RTN4RL1: variants seen among roughly 807,000 people sequenced by gnomAD.
RTN4RL1 encodes the protein reticulon 4 receptor like 1.
A neutral mutation model predicts 25.6 loss-of-function variants in RTN4RL1; 7 were observed. The observed-to-expected ratio is 0.27, with a 90% CI of 0.16 to 0.51. The LOEUF (loss-of-function observed/expected upper bound fraction) is 0.51, where lower values mean the gene tolerates loss of function less well. RTN4RL1 is among the 20% of genes least tolerant of loss of function. The probability of loss-of-function intolerance (pLI) is 0.97; values close to 1 mark genes in which losing one functional copy is unlikely to be tolerated. For synonymous variants in RTN4RL1, 297 were observed against 288.2 expected (o/e 1.03, Z -0.31); for missense variants, 500 against 615.6 (o/e 0.81, Z 1.99).
chr17:1,945,848 G>C (rs1915527524), intron 1 of RTN4RL1, among the ~76,000 whole-genome samples: 1 of 152,262 alleles, frequency 6.6e-6, no homozygotes, highest in Non-Finnish European at 1.5e-5. Flanking sequence ...TGTCACAATG[G>C]CTGGATGAAG....
intron 1 of RTN4RL1, among the ~76,000 whole-genome samples, chr17:1,947,650 C>T (rs1184904037): frequency 6.6e-6 from 1 of 152,202 alleles, no homozygotes; most frequent in African/African-American, 2.4e-5. Flanking sequence ...GCTGGGAATG[C>T]CGTGCTAATT....
At chr17:1,939,852 G>C (rs1020450556) in intron 1 of RTN4RL1, among the ~76,000 whole-genome samples, 31 of 152,170 alleles carry the variant, frequency 2.0e-4, no homozygotes, top group African/African-American at 7.5e-4. Context: ...TGGAGGGCCA[G>C]GCAGCCATCT....
chr17:2,012,559 T>C (rs564397127), intron 1 of RTN4RL1, among the ~76,000 whole-genome samples: 10 of 152,174 alleles, frequency 6.6e-5, no homozygotes, highest in South Asian at 2.1e-4. Flanking sequence ...TGGTACTGTT[T>C]CTATTTTTTT....
intron 1 of RTN4RL1, among the ~76,000 whole-genome samples, chr17:1,999,094 T>TCA (rs59609042): frequency 0.18 from 26,684 of 146,688 alleles, 2,871 homozygotes; most frequent in East Asian, 0.38. Context: ...ACATGCGCGA[T>TCA]CACACACACA....
intron 1 of RTN4RL1, among the ~76,000 whole-genome samples, chr17:1,949,931 G>A (rs547372025): frequency 4.2e-4 from 64 of 152,356 alleles, no homozygotes; most frequent in African/African-American, 1.5e-3. Flanking sequence ...CCAGGCAGAG[G>A]GCACAGCAGG....
intron 1 of RTN4RL1, among the ~76,000 whole-genome samples, chr17:2,009,310 AT>A (rs2067026028): frequency 6.6e-6 from 1 of 152,046 alleles, no homozygotes; most frequent in Non-Finnish European, 1.5e-5. Context: ...AAGTACAAAC[AT>A]TGGCCAAGTG....
intron 1 of RTN4RL1, among the ~76,000 whole-genome samples, chr17:1,985,393 C>T (rs1029546545): frequency 1.3e-5 from 2 of 152,192 alleles, no homozygotes; most frequent in African/African-American, 2.4e-5. Context: ...GCTCGCAAGC[C>T]GCCTGGCAGA....
At chr17:2,010,459 C>T (rs935298046) in intron 1 of RTN4RL1, among the ~76,000 whole-genome samples, 4 of 151,978 alleles carry the variant, frequency 2.6e-5, no homozygotes, top group African/African-American at 4.8e-5. Flanking sequence ...CCTGGGCTAG[C>T]GAGCAAGACT....
chr17:1,937,037 C>T lies in RTN4RL1; in HGVS notation c.785G>A (p.Arg262His), dbSNP rs753828517. The part of the protein sequence containing the change: ...LNGNPWDCGC[R>H]ARSLWEWLQR... ...CAGCCATTCCCACAGGGAGCGCGCG[C>T]GACAACCACAGTCCCAGGGGTTGCC... Residue 262 changes from arginine to histidine, a missense_variant, in exon 2 of 2, where the codon CGC becomes CAC. Coordinates refer to ENST00000331238, the MANE Select transcript of RTN4RL1 (RefSeq NM_178568.4). 22 of 1,604,192 alleles carry T rather than the reference C, an allele frequency of 1.4e-5. No individual in the cohort carries two copies. Among genetic ancestry groups the T allele is most frequent in the Middle Eastern group, 1.7e-4 (1 of 6,056 alleles).
chr17:2,024,883 C>T lies in RTN4RL1; in HGVS notation c.-18G>A. The T allele has an allele frequency of 6.3e-7, 1 of 1,583,306 alleles. No individual in the cohort carries two copies. Among genetic ancestry groups the T allele is most frequent in the Non-Finnish European group, 8.6e-7 (1 of 1,165,628 alleles). On this transcript the variant is annotated 5_prime_UTR_variant, in exon 1 of 2. Transcript: ENST00000331238. ...CGAAGCATGTTGGCCACGGGGCCGCCGCTCCGAGGTCGGCCTAGGCGCACT... is the reference window on the plus strand; with the variant it reads ...CGAAGCATGTTGGCCACGGGGCCGCTGCTCCGAGGTCGGCCTAGGCGCACT...
chr17:1,939,798 C>T (rs1046211089), intron 1 of RTN4RL1, among the ~76,000 whole-genome samples: 11 of 152,148 alleles, frequency 7.2e-5, no homozygotes, highest in African/African-American at 2.7e-4. Context: ...CAGGCAGGCG[C>T]GCCGAGGTTG....
chr17:2,023,719 C>G (rs1416984741), intron 1 of RTN4RL1: 3 of 128,342 alleles, frequency 2.3e-5, no homozygotes, highest in African/African-American at 5.7e-5. Flanking sequence ...CGCGTTTTCT[C>G]CTTCCCCATC....
chr17:1,991,464 C>CAAAAAAAAAAAAAAAAAAAAAAAAAA (rs918564841), intron 1 of RTN4RL1, among the ~76,000 whole-genome samples: 1 of 40,144 alleles, frequency 2.5e-5, no homozygotes, highest in African/African-American at 9.0e-5. Flanking sequence ...AAAAAAAAAA[C>CAAAAAAAAAAAAAAAAAAAAAAAAAA]AAAAAAAAAC....
At chr17:1,945,017 C>T (rs1915509132) in intron 1 of RTN4RL1, among the ~76,000 whole-genome samples, 1 of 152,174 alleles carries the variant, frequency 6.6e-6, no homozygotes, top group Non-Finnish European at 1.5e-5. Context: ...CCCTCCTTCC[C>T]TCCCCAGCCG....
rs1054495005 is a variant in RTN4RL1, at chr17:2,009,521, G to A, written c.13+15332C>T. On this transcript the variant is annotated intron_variant, in intron 1 of 1. Coordinates refer to ENST00000331238, the MANE Select transcript of RTN4RL1 (RefSeq NM_178568.4). The stretch of plus-strand genomic sequence containing the variant: ...GTAGGAGAATTGCTTGAAGCCAGGA[G>A]GTGGAGGTTGCAATGAGCCGAGATC... Among the ~76,000 whole-genome samples the A allele has an allele frequency of 4.1e-5, 5 of 121,662 alleles. 1 individual carries two copies. The highest frequency in any genetic ancestry group is 6.8e-5 in the Non-Finnish European group (4 of 58,894). 79.8% of individuals were successfully genotyped at this position (121,662 alleles called of 152,430 possible).
At chr17:1,953,562 A>C (rs1230281645) in intron 1 of RTN4RL1, among the ~76,000 whole-genome samples, 1 of 119,378 alleles carries the variant, frequency 8.4e-6, no homozygotes, top group African/African-American at 2.9e-5. Flanking sequence ...AAAAAATTGA[A>C]TTAAAAAAAA....
intron 1 of RTN4RL1, among the ~76,000 whole-genome samples, chr17:1,961,173 A>T (rs1200977742): frequency 6.6e-5 from 10 of 152,224 alleles, no homozygotes; most frequent in Admixed American, 3.3e-4. Context: ...CACTCGGATG[A>T]AGCCATCTAC....
intron 1 of RTN4RL1, among the ~76,000 whole-genome samples, chr17:1,995,334 G>A (rs2066924671): frequency 6.6e-6 from 1 of 150,558 alleles, no homozygotes; most frequent in Non-Finnish European, 1.5e-5. Context: ...GCTGAGGCAG[G>A]AAAATCACTT....
intron 1 of RTN4RL1, 90 bp from the exon 2 acceptor site, chr17:1,937,898 C>G: frequency 2.8e-6 from 3 of 1,057,046 alleles, no homozygotes; most frequent in Non-Finnish European, 4.0e-6. Context: ...GACGCATCCT[C>G]GTCTTGGCTG....
Sources: allele counts gnomAD v4.1 joint callset (sites outside exome capture counted in the v4.1 genomes callset), GRCh38; gene constraint gnomAD v4.1.1; transcripts MANE v1.5; gene names NCBI Gene and HGNC (gene_info 2026-07-23, HGNC 2026-07-21).